PRDM2: variants seen among roughly 807,000 people sequenced by gnomAD.
PRDM2 encodes the protein PR domain zinc finger protein 2.
Under a neutral mutation model 130.0 loss-of-function variants are expected in PRDM2, and 30 were observed. The ratio of observed to expected loss-of-function variants is 0.23; its 90% CI spans 0.17 to 0.31. PRDM2 has a LOEUF of 0.31. Ranked by LOEUF, PRDM2 falls within the 10% of genes least tolerant of loss-of-function variation. PRDM2 has a pLI of 1.00. For missense variants in PRDM2, 2,011 were observed against 2,108.4 expected, an observed-to-expected ratio of 0.95 and a Z score of 0.90; for synonymous variants, 871 against 782.4, an observed-to-expected ratio of 1.11 and a Z score of -1.89.
At chr1:13,743,088 A>C (rs1643495001) in intron 5 of PRDM2, among the ~76,000 whole-genome samples, 1 of 152,092 alleles carries the variant, frequency 6.6e-6, no homozygotes, top group South Asian at 2.1e-4. Context: ...CCTCATTTTC[A>C]TGGGTCACAT....
intron 1 of PRDM2, among the ~76,000 whole-genome samples, chr1:13,708,256 T>C (rs1400560990): frequency 6.6e-6 from 1 of 152,070 alleles, no homozygotes; most frequent in African/African-American, 2.4e-5. Context: ...ACAATCTAAA[T>C]GCGGATTTAT....
chr1:13,819,125 G>A (rs968344462), intron 9 of PRDM2, among the ~76,000 whole-genome samples: 3 of 152,158 alleles, frequency 2.0e-5, no homozygotes, highest in Admixed American at 6.5e-5. Flanking sequence ...ATGGGCACCC[G>A]GGACTTGCTT....
rs1237444790 is a variant in PRDM2 at position 13,803,379 on chromosome 1, C to T, written c.5037-13048C>T. On this transcript the variant is annotated intron_variant, in intron 8 of 9. Coordinates refer to ENST00000311066, the MANE Select transcript of PRDM2 (RefSeq NM_001393986.1). The surrounding 1 kb of genome is among the most constrained non-coding windows in gnomAD (Gnocchi z 6.2). ...GTTCGATGGGTGAGAAGTGAATAGACTCCAACCGTGCTCTCCTGGTGCTCC... is the reference window on the plus strand; with the variant it reads ...GTTCGATGGGTGAGAAGTGAATAGATTCCAACCGTGCTCTCCTGGTGCTCC... 1.3e-5 allele frequency among the ~76,000 whole-genome samples: 2 copies of T among 152,164 alleles called. No individual in the cohort carries two copies. The highest frequency in any genetic ancestry group is 4.8e-5 in the African/African-American group (2 of 41,436).
chr1:13,711,114 A>C (rs1013585441), intron 1 of PRDM2, among the ~76,000 whole-genome samples: 1 of 151,792 alleles, frequency 6.6e-6, no homozygotes, highest in African/African-American at 2.4e-5. Context: ...CATTTGGTAG[A>C]ATTGCTAAGG....
intron 8 of PRDM2, 106 bp downstream of exon 8, chr1:13,782,937 TAAAG>T (rs1325280028): frequency 1.1e-5 from 17 of 1,566,090 alleles, no homozygotes; most frequent in Non-Finnish European, 1.4e-5. Flanking sequence ...TTTCCCCACT[TAAAG>T]GAAATAGCTG....
At chr1:13,707,501 A>T (rs1303892896) in intron 1 of PRDM2, among the ~76,000 whole-genome samples, 1 of 152,232 alleles carries the variant, frequency 6.6e-6, no homozygotes, top group Non-Finnish European at 1.5e-5. Context: ...TTAGTCAAGA[A>T]TTGATTTAAT....
At chr1:13,715,920 T>G (rs1275922022) in intron 2 of PRDM2, among the ~76,000 whole-genome samples, 4 of 152,210 alleles carry the variant, frequency 2.6e-5, no homozygotes, top group East Asian at 1.9e-4. Context: ...TTGTGTGTGT[T>G]TGTTTTGAAG....
At chr1:13,807,391 C>G (rs757188947) in intron 8 of PRDM2, among the ~76,000 whole-genome samples, 4 of 152,210 alleles carry the variant, frequency 2.6e-5, no homozygotes, top group Non-Finnish European at 5.9e-5. Flanking sequence ...AACCAGCCTC[C>G]AATGCGCCCC....
At chr1:13,782,989 C>A (rs1644653618) in intron 8 of PRDM2, 158 bp downstream of exon 8, 10 of 1,472,890 alleles carry the variant, frequency 6.8e-6, no homozygotes, top group Admixed American at 4.5e-5. Context: ...ATTGCTTTGG[C>A]TGCTTTTAGA....
rs1015414988 is a variant in PRDM2 at position 13,746,350 on chromosome 1, C to T, written c.385-3011C>T. Among the ~76,000 whole-genome samples, 79 of 150,082 alleles carry T rather than the reference C, an allele frequency of 5.3e-4. 1 individual carries two copies. The highest frequency in any genetic ancestry group is 8.6e-4 in the Non-Finnish European group (58 of 67,594). On this transcript the variant is annotated intron_variant, in intron 5 of 9. Transcript: ENST00000311066. ...TGCTAACCAGTACAGAAGAAAAAAACCAATATATTATAATATGGAAGAAAA... is the reference window on the plus strand; with the variant it reads ...TGCTAACCAGTACAGAAGAAAAAAATCAATATATTATAATATGGAAGAAAA...
chr1:13,766,681 C>T (rs1644234414), intron 6 of PRDM2, among the ~76,000 whole-genome samples: 1 of 152,214 alleles, frequency 6.6e-6, no homozygotes. Context: ...AACTGTGAAG[C>T]TCCCCAAGTG....
rs751500048 is a variant in PRDM2 at position 13,780,481 on chromosome 1, T to A, written c.2686T>A (p.Tyr896Asn). 4.3e-6 allele frequency: 7 copies of A among 1,614,192 alleles called. No individual in the cohort carries two copies. The highest frequency in any genetic ancestry group is 5.9e-6 in the Non-Finnish European group (7 of 1,180,036). Residue 896 changes from tyrosine to asparagine, a missense_variant, in exon 8 of 10, where the codon TAT becomes AAT. Coordinates refer to ENST00000311066, the MANE Select transcript of PRDM2 (RefSeq NM_001393986.1). ...GCTGCAGAAGGTTCTTCTCAATGAA[T>A]ATAATGGCATCGATTTACCTGTAGA... ...CMLQKVLLNE[Y>N]NGIDLPVENP...
rs142833912 is a variant in PRDM2, at chr1:13,784,953, C to T, written c.5036+2122C>T. 1.7e-3 allele frequency among the ~76,000 whole-genome samples: 252 copies of T among 152,294 alleles called. 1 individual carries two copies. The highest frequency in any genetic ancestry group is 5.8e-3 in the African/African-American group (241 of 41,560). On this transcript the variant is annotated intron_variant, in intron 8 of 9. Coordinates refer to ENST00000311066, the MANE Select transcript of PRDM2 (RefSeq NM_001393986.1). ...TCTTGGGAATTAGAAAACAGATGTT[C>T]ATCAAGATAGATTTTGACTATCTGG...
intron 2 of PRDM2, among the ~76,000 whole-genome samples, chr1:13,722,489 G>A (rs781519055): frequency 1.1e-4 from 17 of 152,132 alleles, no homozygotes; most frequent in Non-Finnish European, 2.5e-4. Context: ...GGATTTTTCT[G>A]TGATTTCTTC....
Position 13,803,601 on chromosome 1 carries a change from C to A in PRDM2, c.5037-12826C>A, listed in dbSNP as rs761200512. ...GAGCGAGTGCCTTGCTCGCTCTCCTCGGTTTCCTCGTCTGTAAGGGAAGGG... is the reference window on the plus strand; with the variant it reads ...GAGCGAGTGCCTTGCTCGCTCTCCTAGGTTTCCTCGTCTGTAAGGGAAGGG... On this transcript the variant is annotated intron_variant, in intron 8 of 9. Coordinates refer to ENST00000311066, the MANE Select transcript of PRDM2 (RefSeq NM_001393986.1). This position sits in a 1 kb window ranked among gnomAD's most constrained non-coding sequence, Gnocchi z 6.2. 6.6e-6 allele frequency among the ~76,000 whole-genome samples: 1 copy of A among 152,154 alleles called. No homozygotes were observed. The highest frequency in any genetic ancestry group is 2.4e-5 in the African/African-American group (1 of 41,436).
chr1:13,723,760 G>A (rs1383925662), intron 2 of PRDM2, among the ~76,000 whole-genome samples: 1 of 152,196 alleles, frequency 6.6e-6, no homozygotes, highest in Non-Finnish European at 1.5e-5. Flanking sequence ...TCCATGGCCA[G>A]CTGGGGCTGT....
intron 8 of PRDM2, among the ~76,000 whole-genome samples, chr1:13,809,374 G>A (rs188383878): frequency 3.7e-4 from 56 of 152,282 alleles, no homozygotes; most frequent in African/African-American, 1.3e-3. Context: ...TGGTAGAAGA[G>A]GAAGGAAGGC....
chr1:13,777,829 A>G (rs1644511936), intron 7 of PRDM2, among the ~76,000 whole-genome samples: 1 of 151,726 alleles, frequency 6.6e-6, no homozygotes, highest in African/African-American at 2.4e-5. Context: ...GGCTAGGCTT[A>G]GAAGAGATGA....
chr1:13,770,174 G>C (rs1644326258), intron 6 of PRDM2, among the ~76,000 whole-genome samples: 1 of 152,130 alleles, frequency 6.6e-6, no homozygotes, highest in Admixed American at 6.5e-5. Flanking sequence ...GGGTTTCCAG[G>C]GTCATGGCTT....
Sources: allele counts gnomAD v4.1 joint callset (sites outside exome capture counted in the v4.1 genomes callset), GRCh38; gene constraint gnomAD v4.1.1; non-coding constraint Gnocchi (gnomAD v3.1); transcripts MANE v1.5; gene names NCBI Gene and HGNC (gene_info 2026-07-23, HGNC 2026-07-21).